The following FAM110B variants were observed in gnomAD, a reference collection of about 807,000 sequenced individuals.
FAM110B encodes the protein family with sequence similarity 110 member B.
In FAM110B, 6 loss-of-function variants were observed where a neutral mutation model predicts 20.4. The ratio of observed to expected loss-of-function variants is 0.29; its 90% CI spans 0.16 to 0.58. FAM110B has a LOEUF of 0.58. Among genes scored for constraint, FAM110B ranks in the 20% least tolerant of loss-of-function variants. The pLI, the probability that FAM110B is intolerant of heterozygous loss-of-function variation, is 0.90. For missense variants in FAM110B, 434 were observed against 498.2 expected (o/e 0.87, Z 1.23); for synonymous variants, 226 against 214.1 (o/e 1.06, Z -0.49).
At chr8:58,068,622 A>T (rs11774174) in intron 2 of FAM110B, among the ~76,000 whole-genome samples, 12,293 of 151,958 alleles carry the variant, frequency 0.081, 809 homozygotes, top group African/African-American at 0.18. Flanking sequence ...ACTACAGAAA[A>T]GGGAAGTTTG....
intron 3 of FAM110B, among the ~76,000 whole-genome samples, chr8:58,078,876 G>A (rs542312978): frequency 3.3e-5 from 5 of 152,140 alleles, no homozygotes; most frequent in South Asian, 4.2e-4. Context: ...AATATGGTGC[G>A]TGCTAGATAC....
rs1805506465 is a variant in FAM110B at position 58,054,044 on chromosome 8, A to C, written c.-413-21491A>C. 2.0e-5 allele frequency among the ~76,000 whole-genome samples: 3 copies of C among 152,340 alleles called. No individual in the cohort carries two copies. The South Asian group carries it at 6.2e-4, about 32-fold the overall frequency. ...ATGCATAAACAACCAGATGAGTTACAGTTCAGTGTTTGCCTTATTTGAACT... is the reference window on the plus strand; with the variant it reads ...ATGCATAAACAACCAGATGAGTTACCGTTCAGTGTTTGCCTTATTTGAACT... On this transcript the variant is annotated intron_variant, in intron 2 of 3. Transcript: ENST00000519262.
chr8:58,109,404 T>C lies in FAM110B; in HGVS notation c.-325+33781T>C, dbSNP rs1303009994. On this transcript the variant is annotated intron_variant, in intron 3 of 3. Transcript: ENST00000519262. ...TAGCCATCACGAGAACCTGTGTAAA[T>C]AGAACTCATAAAGACCCCAGGGCTT... Among the ~76,000 whole-genome samples the C allele has an allele frequency of 2.6e-5, 4 of 152,156 alleles. No individual in the cohort carries two copies. The East Asian group carries it at 7.7e-4, about 29-fold the overall frequency.
intron 3 of FAM110B, among the ~76,000 whole-genome samples, chr8:58,092,745 CTT>C (rs1463974547): frequency 3.3e-5 from 5 of 152,324 alleles, no homozygotes; most frequent in African/African-American, 1.2e-4. Flanking sequence ...GATTTATAAT[CTT>C]TTGGGTATAC....
At chr8:58,100,231 C>G (rs78540184) in intron 3 of FAM110B, among the ~76,000 whole-genome samples, 7,435 of 149,946 alleles carry the variant, frequency 0.05, 602 homozygotes, top group African/African-American at 0.17. Flanking sequence ...TGGAGTTAAT[C>G]TGGTGCTTCC....
intron 1 of FAM110B, among the ~76,000 whole-genome samples, chr8:58,000,674 T>A (rs150427216): frequency 9.8e-5 from 15 of 152,308 alleles, no homozygotes; most frequent in African/African-American, 3.1e-4. Flanking sequence ...CCATTTCTAC[T>A]CTTGGTCAAA....
intron 2 of FAM110B, among the ~76,000 whole-genome samples, chr8:58,047,637 A>ACTCTCTCTCTCTCTCTCT (rs1585840295): frequency 8.5e-4 from 37 of 43,528 alleles, no homozygotes; most frequent in Non-Finnish European, 1.7e-3. Flanking sequence ...TCTCTCTCTG[A>ACTCTCTCTCTCTCTCTCT]CTTATATAAA....
intron 2 of FAM110B, among the ~76,000 whole-genome samples, chr8:58,033,057 C>G (rs556335524): frequency 1.1e-4 from 16 of 152,072 alleles, no homozygotes; most frequent in African/African-American, 3.4e-4. Context: ...CAGCCTTTTC[C>G]CCCTGTAACT....
chr8:58,037,515 A>G (rs1488058179), intron 2 of FAM110B, among the ~76,000 whole-genome samples: 1 of 151,858 alleles, frequency 6.6e-6, no homozygotes, highest in Non-Finnish European at 1.5e-5. Flanking sequence ...GTGCACGCCT[A>G]TAACCCTAGC....
At chr8:58,049,798 C>G (rs1169669455) in intron 2 of FAM110B, among the ~76,000 whole-genome samples, 6 of 152,138 alleles carry the variant, frequency 3.9e-5, no homozygotes, top group African/African-American at 1.4e-4. Context: ...TTAATGCTCA[C>G]TCTTAAGTAA....
Position 58,128,564 on chromosome 8 carries a change from GA to G in FAM110B, c.-324-17333del, listed in dbSNP as rs925186003. On this transcript the variant is annotated intron_variant, in intron 3 of 3. Transcript: ENST00000519262. The stretch of plus-strand genomic sequence containing the variant: ...GAAACATTTGATAGATACTTTTCAG[GA>G]AAAAAAAAATTAACTGTGTTTTGAG... 6.0e-5 allele frequency among the ~76,000 whole-genome samples: 9 copies of G among 149,676 alleles called. No individual in the cohort carries two copies. The East Asian group carries it at 1.7e-3, about 29-fold the overall frequency.
At chr8:58,081,248 CCAGGCTGGAGTGCAGTGG>C (rs1806183344) in intron 3 of FAM110B, among the ~76,000 whole-genome samples, 1 of 152,130 alleles carries the variant, frequency 6.6e-6, no homozygotes, top group African/African-American at 2.4e-5. Context: ...GCTCTGTTGC[CCAGGCTGGAGTGCAGTGG>C]CACAACCTCA....
intron 2 of FAM110B, among the ~76,000 whole-genome samples, chr8:58,056,984 C>CTTTCT (rs1563353596): frequency 6.6e-6 from 1 of 152,210 alleles, no homozygotes; most frequent in Non-Finnish European, 1.5e-5. Flanking sequence ...ATCTGCCTTT[C>CTTTCT]TTTCTGTCTA....
intron 3 of FAM110B, among the ~76,000 whole-genome samples, chr8:58,077,375 C>T (rs1182278286): frequency 6.6e-6 from 1 of 152,160 alleles, no homozygotes; most frequent in Non-Finnish European, 1.5e-5. Context: ...GGACATGTTG[C>T]TCCCTCTTGT....
chr8:58,034,741 A>T (rs1340762985), intron 2 of FAM110B, among the ~76,000 whole-genome samples: 31 of 152,220 alleles, frequency 2.0e-4, no homozygotes, highest in Non-Finnish European at 2.9e-5. Context: ...AATGGAGATA[A>T]TACCTACTTC....
At chr8:58,085,036 C>T (rs1271429879) in intron 3 of FAM110B, among the ~76,000 whole-genome samples, 5 of 152,082 alleles carry the variant, frequency 3.3e-5, no homozygotes, top group African/African-American at 9.7e-5. Flanking sequence ...TAGGGATTGA[C>T]GCATCACTCT....
At chr8:58,013,118 C>G (rs1804572289) in intron 1 of FAM110B, among the ~76,000 whole-genome samples, 1 of 152,140 alleles carries the variant, frequency 6.6e-6, no homozygotes. Context: ...ATCTCCTTCT[C>G]CTGAAATGCT....
intron 3 of FAM110B, among the ~76,000 whole-genome samples, chr8:58,143,387 G>A (rs1318217237): frequency 6.6e-6 from 1 of 152,186 alleles, no homozygotes; most frequent in Non-Finnish European, 1.5e-5. Flanking sequence ...TCATCACTGT[G>A]TTGAAAATTA....
intron 3 of FAM110B, among the ~76,000 whole-genome samples, chr8:58,095,931 T>G (rs367823204): frequency 0.019 from 2,920 of 152,262 alleles, 51 homozygotes; most frequent in South Asian, 0.094. Context: ...TCCTGTATTG[T>G]GTGCATATAT....
Sources: gnomAD v4.1 joint callset for allele counts (sites outside exome capture counted in the v4.1 genomes callset) on GRCh38, gnomAD v4.1.1 for gene constraint, MANE v1.5 for transcripts, NCBI Gene and HGNC (gene_info 2026-07-23, HGNC 2026-07-21) for gene names.